The following EYS variants were observed in gnomAD, a reference collection of about 807,000 sequenced individuals.
EYS encodes protein eyes shut homolog.
EYS carries 250 observed loss-of-function variants against 282.1 expected under a neutral mutation model. The ratio of observed to expected loss-of-function variants is 0.89; its 90% confidence interval spans 0.80 to 0.98. EYS has a LOEUF of 0.98. Among genes scored for constraint, EYS ranks in the 50% least tolerant of loss-of-function variants. EYS has a pLI of 0.00. For missense variants in EYS, 4,016 were observed against 3,709.0 expected, an observed-to-expected ratio of 1.08 and a Z score of -2.15; for synonymous variants, 1,355 against 1,282.9, an observed-to-expected ratio of 1.06 and a Z score of -1.20.
intron 1 of EYS, among the ~76,000 whole-genome samples, chr6:65,689,267 C>T (rs1345885052): frequency 2.7e-5 from 4 of 149,748 alleles, no homozygotes; most frequent in Non-Finnish European, 5.9e-5. Context: ...AGCAAACTAT[C>T]GCAAGGACAA....
intron 8 of EYS, among the ~76,000 whole-genome samples, chr6:65,355,984 C>T (rs558734471): frequency 4.6e-5 from 7 of 152,010 alleles, no homozygotes; most frequent in South Asian, 2.1e-4. Context: ...CGGATATCTG[C>T]GCAAAGGAAA....
At chr6:65,222,592 C>T (rs1456565586) in intron 12 of EYS, among the ~76,000 whole-genome samples, 1 of 152,126 alleles carries the variant, frequency 6.6e-6, no homozygotes, top group Non-Finnish European at 1.5e-5. Flanking sequence ...TACAAAAGAA[C>T]ACAGAATTTG....
At chr6:65,379,773 A>G (rs1304244102) in intron 8 of EYS, among the ~76,000 whole-genome samples, 2 of 151,996 alleles carry the variant, frequency 1.3e-5, no homozygotes, top group Non-Finnish European at 2.9e-5. Context: ...GCAAAGTCTC[A>G]GGATACAATA....
At chr6:64,493,172 C>T (rs57416666) in intron 26 of EYS, among the ~76,000 whole-genome samples, 16 of 151,280 alleles carry the variant, frequency 1.1e-4, no homozygotes, top group African/African-American at 3.9e-4. Flanking sequence ...GATTCAGAAG[C>T]CTTTATTATC....
chr6:64,860,408 C>G (rs1329628501), intron 19 of EYS, among the ~76,000 whole-genome samples: 3 of 152,230 alleles, frequency 2.0e-5, no homozygotes, highest in Non-Finnish European at 4.4e-5. Context: ...GGTCGGGCCA[C>G]TGCACACAGC....
chr6:63,854,245 A>G (rs887983240), intron 36 of EYS, among the ~76,000 whole-genome samples: 13 of 152,220 alleles, frequency 8.5e-5, no homozygotes, highest in Admixed American at 2.6e-4. Flanking sequence ...AAAACGTGGC[A>G]CATATATACC....
At chr6:63,870,729 T>G (rs1772780975) in intron 35 of EYS, among the ~76,000 whole-genome samples, 4 of 152,168 alleles carry the variant, frequency 2.6e-5, no homozygotes, top group Non-Finnish European at 5.9e-5. Context: ...GTCCCAAATC[T>G]CTTTATATAG....
At chr6:65,653,403 T>C (rs1767721090) in intron 1 of EYS, among the ~76,000 whole-genome samples, 1 of 151,878 alleles carries the variant, frequency 6.6e-6, no homozygotes, top group Admixed American at 6.6e-5. Flanking sequence ...GAAGATAAAA[T>C]TGCCACCAAA....
At chr6:65,000,047 G>C (rs577382672) in intron 13 of EYS, among the ~76,000 whole-genome samples, 152 of 152,266 alleles carry the variant, frequency 1.0e-3, no homozygotes, top group African/African-American at 3.6e-3. Context: ...AACACAAGCC[G>C]CCTATAGATG....
intron 37 of EYS, among the ~76,000 whole-genome samples, chr6:63,791,668 A>T (rs1311348423): frequency 2.0e-5 from 3 of 151,546 alleles, no homozygotes; most frequent in African/African-American, 7.3e-5. Flanking sequence ...CTGAAAAGGG[A>T]GAAAGGGCTA....
At chr6:65,348,314 T>C (rs1420646547) in intron 9 of EYS, among the ~76,000 whole-genome samples, 1 of 151,832 alleles carries the variant, frequency 6.6e-6, no homozygotes, top group Non-Finnish European at 1.5e-5. Flanking sequence ...CTCCAAACTG[T>C]TCTCCACAGT....
rs575578149 is a variant in EYS, at chr6:63,978,858, C to T, written c.7055+5525G>A. ...AACCTCAGTAATCACAAAAAAACTG[C>T]CTTCTTTCTACAAATGTTAAAAAAA... On this transcript the variant is annotated intron_variant, in intron 35 of 42. Transcript: ENST00000503581. 2.0e-5 allele frequency among the ~76,000 whole-genome samples: 3 copies of T among 151,876 alleles called. No individual in the cohort carries two copies. The South Asian group carries it at 6.2e-4, about 32-fold the overall frequency.
chr6:64,575,584 G>A (rs1765856311), intron 26 of EYS, among the ~76,000 whole-genome samples: 2 of 152,184 alleles, frequency 1.3e-5, no homozygotes, highest in South Asian at 4.1e-4. Flanking sequence ...AGAAGCATTG[G>A]AAGCCCCTGG....
intron 32 of EYS, among the ~76,000 whole-genome samples, chr6:64,080,570 A>G (rs1771931047): frequency 6.6e-6 from 1 of 152,136 alleles, no homozygotes. Context: ...ATTACATCCC[A>G]TTGGTCAATT....
chr6:65,011,213 G>C (rs959806103), intron 13 of EYS, among the ~76,000 whole-genome samples: 2 of 152,190 alleles, frequency 1.3e-5, no homozygotes, highest in African/African-American at 4.8e-5. Context: ...CTTTCACTTA[G>C]GCATAGATAG....
chr6:65,663,854 G>C (rs796936958), intron 1 of EYS, among the ~76,000 whole-genome samples: 4 of 117,004 alleles, frequency 3.4e-5, no homozygotes, highest in East Asian at 2.6e-4. Flanking sequence ...CTAATTTTTT[G>C]TTTTTTCTTT....
intron 22 of EYS, among the ~76,000 whole-genome samples, chr6:64,720,246 T>C (rs1284644287): frequency 8.5e-5 from 13 of 152,168 alleles, no homozygotes; most frequent in Admixed American, 8.5e-4. Flanking sequence ...CACATCCTTC[T>C]CTAACCTCTG....
intron 15 of EYS, among the ~76,000 whole-genome samples, chr6:64,942,123 G>A (rs1769109170): frequency 6.6e-6 from 1 of 151,862 alleles, no homozygotes; most frequent in Admixed American, 6.6e-5. Flanking sequence ...AGCATCTGTT[G>A]GTTTTTTAAC....
chr6:65,669,138 T>G (rs1768296131), intron 1 of EYS, among the ~76,000 whole-genome samples: 1 of 152,054 alleles, frequency 6.6e-6, no homozygotes, highest in South Asian at 2.1e-4. Context: ...GATAGGAGGA[T>G]CTCTCATTTT....
Sources: allele counts gnomAD v4.1 joint callset (sites outside exome capture counted in the v4.1 genomes callset), GRCh38; gene constraint gnomAD v4.1.1; transcripts MANE v1.5; gene names NCBI Gene and HGNC (gene_info 2026-07-23, HGNC 2026-07-21).